Variants in MEFV observed in about 807,000 individuals in gnomAD.
The protein encoded by MEFV is pyrin.
Under a neutral mutation model 62.5 loss-of-function variants are expected in MEFV, and 60 were observed. The observed-to-expected ratio is 0.96, with a 90% CI of 0.78 to 1.19. The LOEUF (loss-of-function observed/expected upper bound fraction) is 1.19, where lower values mean the gene tolerates loss of function less well. Among genes scored for constraint, MEFV ranks in the 50% most tolerant of loss-of-function variants. MEFV has a pLI of 0.00. For synonymous variants in MEFV, 500 were observed against 415.2 expected, an observed-to-expected ratio of 1.20 and a Z score of -2.48; for missense variants, 1,169 against 1,004.5, an observed-to-expected ratio of 1.16 and a Z score of -2.21.
intron 8 of MEFV, 152 bp from the exon 9 acceptor site, chr16:3,244,044 C>G: frequency 6.4e-7 from 1 of 1,552,294 alleles, no homozygotes. Context: ...TCCCAGGAAC[C>G]CAGGCCATGT....
rs371878093 is a variant in MEFV, at chr16:3,249,418, A to G, written c.1260+13T>C. ...GCCTGGCAGAGAAGAGCCCACAGGC[A>G]GGGAGTGCCTACCTTGTGTTCCAGG... On this transcript the variant is annotated intron_variant, in intron 3 of 9. Transcript: ENST00000219596. The G allele has an allele frequency of 6.2e-7, 1 of 1,610,806 alleles. No homozygotes were observed. The highest frequency in any genetic ancestry group is 8.5e-7 in the Non-Finnish European group (1 of 1,178,404).
At chr16:3,251,310 G>C (rs1181577456) in intron 2 of MEFV, among the ~76,000 whole-genome samples, 2 of 152,158 alleles carry the variant, frequency 1.3e-5, no homozygotes. Flanking sequence ...TGTAAATGGA[G>C]GTGTCACAAG....
intron 8 of MEFV, 146 bp downstream of exon 8, chr16:3,244,107 TG>T: frequency 6.4e-7 from 1 of 1,553,530 alleles, no homozygotes; most frequent in Non-Finnish European, 8.7e-7. Flanking sequence ...GCACAGAGCC[TG>T]GGGGGCCTGC....
intron 4 of MEFV, chr16:3,248,596 A>T (rs1342993235): frequency 5.5e-6 from 3 of 544,254 alleles, no homozygotes; most frequent in Non-Finnish European, 8.6e-6. Context: ...TCACAAAAAA[A>T]GAAAGTGGCG....
Position 3,249,448 on chromosome 16 carries a change from C to A in MEFV, c.1243G>T (p.Val415Phe), listed in dbSNP as rs938767620. Residue 415 changes from valine (V) to phenylalanine (F), a missense_variant, in exon 3 of 10, where the codon GTC becomes TTC. By Grantham distance (50) the Val-to-Phe change is conservative (BLOSUM62 -1). Coordinates refer to ENST00000219596, the MANE Select transcript of MEFV (RefSeq NM_000243.3). Reference sequence around the variant, plus strand: ...GTGCCTACCTTGTGTTCCAGGGCGACCTCCTCAATGGGGCGCACCCGGTGG... The same window carrying A: ...GTGCCTACCTTGTGTTCCAGGGCGAACTCCTCAATGGGGCGCACCCGGTGG... The part of the protein sequence containing the change: ...QGHRVRPIEE[V>F]ALEHKKKIQK... The A allele has an allele frequency of 6.2e-7, 1 of 1,613,936 alleles. No homozygotes were observed. Among genetic ancestry groups the A allele is most frequent in the Non-Finnish European group, 8.5e-7 (1 of 1,180,044 alleles).
At position 3,243,870 on chromosome 16, in the gene MEFV, C is replaced by T. The variant is rs144122901; in HGVS notation, c.1782G>A (p.Gln594=). 6.2e-6 allele frequency: 10 copies of T among 1,613,780 alleles called. No individual in the cohort carries two copies. Among genetic ancestry groups the T allele is most frequent in the East Asian group, 2.2e-5 (1 of 44,892 alleles). ...GATCTGGGCACTTACCAGCATGTGC[C>T]TGAGCGCCAATCAGCTCCGGAACTA... ...MFNVPELIGA[Q]AHAVNVILDA... The change falls in exon 9 of 10, where the codon CAG becomes CAA. Residue 594 remains glutamine (Q), a synonymous_variant. Transcript: ENST00000219596.
chr16:3,255,411 CTTATT>C (rs894238757), intron 1 of MEFV, among the ~76,000 whole-genome samples: 5 of 151,978 alleles, frequency 3.3e-5, no homozygotes, highest in South Asian at 2.1e-4. Flanking sequence ...TTCTCTCTCT[CTTATT>C]TTATTTTTTG....
chr16:3,244,029 G>A (rs754753961), intron 8 of MEFV, 137 bp from the exon 9 acceptor site: 80 of 1,553,228 alleles, frequency 5.2e-5, no homozygotes, highest in South Asian at 7.1e-5. Flanking sequence ...GTATAATCCC[G>A]TTCCTCCCAG....
chr16:3,249,996 C>T (rs1469410353), intron 2 of MEFV, among the ~76,000 whole-genome samples: 2 of 152,244 alleles, frequency 1.3e-5, no homozygotes, highest in Non-Finnish European at 2.9e-5. Flanking sequence ...TCAGACATTC[C>T]TGAGCCTTGG....
chr16:3,243,259 A>G lies in MEFV; in HGVS notation c.2228T>C (p.Phe743Ser), dbSNP rs104895216. ...NVTARSHIYT[F>S]ASCSFSGPLQ... The stretch of plus-strand genomic sequence containing the variant: ...GGGCCCAGAGAAAGAGCAGCTGGCG[A>G]ATGTATAGATGTGGGATCTGGCTGT... Residue 743 changes from phenylalanine to serine, a missense_variant, in exon 10 of 10, where the codon TTC becomes TCC. Coordinates refer to ENST00000219596, the MANE Select transcript of MEFV (RefSeq NM_000243.3). 6.2e-7 allele frequency: 1 copy of G among 1,614,202 alleles called. No individual in the cohort carries two copies. Among genetic ancestry groups the G allele is most frequent in the South Asian group, 1.1e-5 (1 of 91,078 alleles).
chr16:3,248,667 T>C, intron 4 of MEFV: 3 of 1,289,554 alleles, frequency 2.3e-6, no homozygotes, highest in Non-Finnish European at 1.0e-6. Context: ...GGTTGCTCTC[T>C]ACCATCTTCT....
chr16:3,249,600 G>C lies in MEFV; in HGVS notation c.1091C>G (p.Pro364Arg). 1 of 1,614,124 alleles carries C rather than the reference G, an allele frequency of 6.2e-7. No individual in the cohort carries two copies. Residue 364 changes from proline (P) to arginine (R), a missense_variant, in exon 3 of 10, where the codon CCG (proline) becomes CGG (arginine). Pro to Arg is a moderately radical substitution (Grantham distance 103). Transcript: ENST00000219596. ...CAGGGGCTGGGGGCTTAGGCTTCCC[G>C]GGCTCTTCCTTTCATGGGAGTCCTG... is the stretch of plus-strand genomic sequence containing the variant. Reference protein sequence around the residue: ...RCQDSHERKSPGSLSPQPLPQ... With the variant: ...RCQDSHERKSRGSLSPQPLPQ...
In MEFV at chr16:3,243,815, G is replaced by A. The variant is rs770948036; in HGVS notation, c.1792+45C>T. The A allele has an allele frequency of 1.4e-5, 22 of 1,610,172 alleles. No homozygotes were observed. The Middle Eastern group carries it at 5.0e-4, about 36-fold the overall frequency. On this transcript the variant is annotated intron_variant, in intron 9 of 9. Coordinates refer to ENST00000219596, the MANE Select transcript of MEFV (RefSeq NM_000243.3). ...CTGGAACGTGGTAGGGGAGAGCACAGGGATCCAGCAGGCCAGGGCCACTTG... is the reference window on the plus strand; with the variant it reads ...CTGGAACGTGGTAGGGGAGAGCACAAGGATCCAGCAGGCCAGGGCCACTTG...
intron 4 of MEFV, chr16:3,247,455 C>T (rs1483515459): frequency 1.7e-6 from 1 of 592,330 alleles, no homozygotes; most frequent in Non-Finnish European, 3.0e-6. Flanking sequence ...GGGAAAATGT[C>T]CTTAAACCTG....
At chr16:3,255,154 T>A (rs572787694) in intron 1 of MEFV, among the ~76,000 whole-genome samples, 1 of 151,970 alleles carries the variant, frequency 6.6e-6, no homozygotes, top group African/African-American at 2.4e-5. Flanking sequence ...CCGTTCCTAC[T>A]AAAAATAAGA....
chr16:3,244,087 A>T (rs1958903069), intron 8 of MEFV, 167 bp downstream of exon 8: 1 of 1,551,852 alleles, frequency 6.4e-7, no homozygotes, highest in African/African-American at 1.4e-5. Flanking sequence ...CAACTCAGTC[A>T]ATGAGTCACG....
chr16:3,255,180 G>A (rs1264690279), intron 1 of MEFV, among the ~76,000 whole-genome samples: 1 of 152,080 alleles, frequency 6.6e-6, no homozygotes, highest in African/African-American at 2.4e-5. Context: ...AGCCAGACGC[G>A]GTGGTGCGCA....
At position 3,243,048 on chromosome 16, in the gene MEFV, T is replaced by C; in HGVS notation, c.*93A>G. 2 of 1,417,870 alleles carry C rather than the reference T, an allele frequency of 1.4e-6. No homozygotes were observed. Among genetic ancestry groups the C allele is most frequent in the Non-Finnish European group, 9.9e-7 (1 of 1,008,098 alleles). 87.8% of individuals were successfully genotyped at this position (1,417,870 alleles called of 1,614,324 possible). On this transcript the variant is annotated 3_prime_UTR_variant, in exon 10 of 10. Coordinates refer to ENST00000219596, the MANE Select transcript of MEFV (RefSeq NM_000243.3). ...TATTTTGTTATTTTTGCATTTCCCA[T>C]AGCAGCTAGCACCTAGTCGGCATTC...
chr16:3,248,918 C>T lies in MEFV; in HGVS notation c.1347G>A (p.Val449=). The T allele has an allele frequency of 6.2e-7, 1 of 1,614,122 alleles. No homozygotes were observed. The highest frequency in any genetic ancestry group is 1.1e-5 in the South Asian group (1 of 91,076). ...EQRSYGEEKA[V]SFLKQTEALK... ...CCACCTCTGACCTTACCAGAAAGCT[C>T]ACTGCCTTCTCCTCCCCATAGGATC... is the stretch of plus-strand genomic sequence containing the variant. Residue 449 remains valine, a synonymous_variant, in exon 4 of 10, where the codon GTG becomes GTA. Transcript: ENST00000219596.
Sources: allele counts gnomAD v4.1 joint callset (sites outside exome capture counted in the v4.1 genomes callset), GRCh38; gene constraint gnomAD v4.1.1; transcripts MANE v1.5; gene names NCBI Gene and HGNC (gene_info 2026-07-23, HGNC 2026-07-21).